The following TENT4A variants were observed in gnomAD, a reference collection of about 807,000 sequenced individuals.
The protein encoded by TENT4A is terminal nucleotidyltransferase 4A, also known as DNA polymerase kappa.
TENT4A carries 7 observed loss-of-function variants against 72.8 expected under a neutral mutation model. The ratio of observed to expected loss-of-function variants is 0.10; its 90% CI spans 0.05 to 0.18. The LOEUF (loss-of-function observed/expected upper bound fraction) is 0.18. Among genes scored for constraint, TENT4A ranks in the 10% least tolerant of loss-of-function variants. TENT4A has a pLI of 1.00. For synonymous variants in TENT4A, 456 were observed against 434.3 expected (o/e 1.05, Z -0.62); for missense variants, 831 against 1,017.7 (o/e 0.82, Z 2.50).
At chr5:6,740,192 A>G (rs1205543334) in intron 4 of TENT4A, among the ~76,000 whole-genome samples, 2 of 152,212 alleles carry the variant, frequency 1.3e-5, no homozygotes, top group African/African-American at 2.4e-5. Context: ...GGTGCTGCCC[A>G]TTATGGAGAG....
chr5:6,724,386 A>G (rs1054069449), intron 1 of TENT4A, among the ~76,000 whole-genome samples: 10 of 152,248 alleles, frequency 6.6e-5, no homozygotes, highest in Middle Eastern at 3.2e-3. Context: ...AATGATGGCC[A>G]AAAATATAGA....
chr5:6,740,160 T>C lies in TENT4A; in HGVS notation c.1008+308T>C, dbSNP rs559881141. On this transcript the variant is annotated intron_variant, in intron 4 of 12. Transcript: ENST00000230859. ...GGATGAATAGGAAAGGAGAGTCATC[T>C]GAAACCGGACACTGACATTCAGGTG... Among the ~76,000 whole-genome samples, 5 of 152,346 alleles carry C rather than the reference T, an allele frequency of 3.3e-5. No homozygotes were observed. In the South Asian group the frequency reaches 1.0e-3, roughly 32 times the overall value.
intron 8 of TENT4A, 89 bp downstream of exon 8, chr5:6,748,679 A>G: frequency 7.4e-7 from 1 of 1,345,272 alleles, no homozygotes; most frequent in Admixed American, 1.8e-5. Context: ...CATGAAATTT[A>G]TGAAGGGATG....
intron 1 of TENT4A, among the ~76,000 whole-genome samples, chr5:6,727,625 C>T (rs1454052060): frequency 1.3e-5 from 2 of 152,182 alleles, no homozygotes; most frequent in Admixed American, 1.3e-4. Context: ...ACTGGCTGCT[C>T]GTTACCTTTC....
intron 1 of TENT4A, among the ~76,000 whole-genome samples, chr5:6,721,600 C>T (rs545064322): frequency 1.4e-4 from 21 of 152,294 alleles, no homozygotes; most frequent in African/African-American, 5.1e-4. Context: ...GTGTCCTGGA[C>T]TCTGGTGGTG....
rs192449069 is a variant in TENT4A at position 6,728,888 on chromosome 5, T to C, written c.717-8622T>C. ...GAAAATACAGAAACTACCTATAATTTTTCCATTGTTAACATTTGAGCATAT... is the reference window on the plus strand; with the variant it reads ...GAAAATACAGAAACTACCTATAATTCTTCCATTGTTAACATTTGAGCATAT... On this transcript the variant is annotated intron_variant, in intron 1 of 12. Coordinates refer to ENST00000230859, the MANE Select transcript of TENT4A (RefSeq NM_006999.6). Among the ~76,000 whole-genome samples, 9 of 152,356 alleles carry C rather than the reference T, an allele frequency of 5.9e-5. No individual in the cohort carries two copies. The South Asian group carries it at 8.3e-4, about 14-fold the overall frequency.
chr5:6,754,060 G>A (rs1561049466), intron 12 of TENT4A, among the ~76,000 whole-genome samples: 2 of 152,216 alleles, frequency 1.3e-5, no homozygotes, highest in African/African-American at 4.8e-5. Flanking sequence ...GCTGCTGCAT[G>A]CTGGGATCGA....
At position 6,755,261 on chromosome 5, in the gene TENT4A, T is replaced by A. The variant is rs986424269; in HGVS notation, c.*316T>A. ...GCGCTTGCGGTTTGAGGTAGCCGTG[T>A]CTGTTCCTTCGCGGTTTGCTATTTT... On this transcript the variant is annotated 3_prime_UTR_variant, in exon 13 of 13. Transcript: ENST00000230859. 1.2e-5 allele frequency: 3 copies of A among 252,594 alleles called. No homozygotes were observed. Among genetic ancestry groups the A allele is most frequent in the African/African-American group, 6.7e-5 (3 of 45,078 alleles). The allele number at this position is 252,594 out of a possible 1,614,324, so 15.6% of individuals were successfully genotyped here. A position where few individuals can be genotyped will look rare whatever the true frequency, so the allele number is the denominator to read the frequency against.
At chr5:6,725,086 CCAAGGAGGG>C (rs1384839234) in intron 1 of TENT4A, among the ~76,000 whole-genome samples, 1 of 152,170 alleles carries the variant, frequency 6.6e-6, no homozygotes, top group Non-Finnish European at 1.5e-5. Flanking sequence ...CTTTGGGAGG[CCAAGGAGGG>C]CGGATCACAA....
chr5:6,718,970 A>G (rs1471810119), intron 1 of TENT4A, among the ~76,000 whole-genome samples: 1 of 140,292 alleles, frequency 7.1e-6, no homozygotes, highest in African/African-American at 2.8e-5. Flanking sequence ...TTTTCGCAGG[A>G]AAAAAAAAAA....
Position 6,752,874 on chromosome 5 carries a change from C to A in TENT4A, c.2021C>A (p.Thr674Asn), listed in dbSNP as rs543673479. The change falls in exon 12 of 13, where the codon ACC becomes AAC. Residue 674 changes from threonine to asparagine, a missense_variant and splice_region_variant. This residue lies in a region of TENT4A where 332 missense variants were observed against 324.3 expected (regional missense o/e 1.02). Coordinates refer to ENST00000230859, the MANE Select transcript of TENT4A (RefSeq NM_006999.6). ...GGCCGTCTCTCATTTTGTTCCTAGACCAGGTTTACTATACCTCCACCGACC... is the reference window on the plus strand; with the variant it reads ...GGCCGTCTCTCATTTTGTTCCTAGAACAGGTTTACTATACCTCCACCGACC... ...RTLIMTTNNQTRFTIPPPTLG... is the reference protein window; with the variant it reads ...RTLIMTTNNQNRFTIPPPTLG... The A allele has an allele frequency of 5.0e-6, 8 of 1,611,566 alleles. No homozygotes were observed. In the African/African-American group the frequency reaches 8.0e-5, roughly 16 times the overall value.
At chr5:6,731,625 G>A (rs1174871162) in intron 1 of TENT4A, among the ~76,000 whole-genome samples, 2 of 150,942 alleles carry the variant, frequency 1.3e-5, no homozygotes, top group Non-Finnish European at 2.9e-5. Context: ...CTGTAGCTTC[G>A]AATCCTGGGC....
chr5:6,735,695 CTG>C (rs1160066632), intron 1 of TENT4A, among the ~76,000 whole-genome samples: 1 of 151,588 alleles, frequency 6.6e-6, no homozygotes, highest in Non-Finnish European at 1.5e-5. Context: ...ATGTTGGGCT[CTG>C]TTAACAGCTG....
chr5:6,738,366 C>T (rs1176382956), intron 2 of TENT4A, among the ~76,000 whole-genome samples: 1 of 152,186 alleles, frequency 6.6e-6, no homozygotes, highest in East Asian at 1.9e-4. Flanking sequence ...GCCCCAGTGC[C>T]TTAGCTGTGG....
intron 12 of TENT4A, among the ~76,000 whole-genome samples, chr5:6,753,804 G>A (rs1301654649): frequency 1.3e-5 from 2 of 152,212 alleles, no homozygotes; most frequent in African/African-American, 2.4e-5. Context: ...TATGATGATT[G>A]TTTTTAGGAG....
rs140270952 is a variant in TENT4A at position 6,720,631 on chromosome 5, G to A, written c.716+5932G>A. Among the ~76,000 whole-genome samples, 657 of 151,778 alleles carry A rather than the reference G, an allele frequency of 4.3e-3. 4 individuals are homozygous for A. Among genetic ancestry groups the A allele is most frequent in the African/African-American group, 0.014 (594 of 41,364 alleles). ...TTGGAGGTTGCAGTGAGCCGAGATC[G>A]CACCACAGCACTCTAGCCTGGTGAC... On this transcript the variant is annotated intron_variant, in intron 1 of 12. Coordinates refer to ENST00000230859, the MANE Select transcript of TENT4A (RefSeq NM_006999.6).
At chr5:6,745,639 G>A (rs1428454391) in intron 6 of TENT4A, among the ~76,000 whole-genome samples, 1 of 152,246 alleles carries the variant, frequency 6.6e-6, no homozygotes, top group Non-Finnish European at 1.5e-5. Context: ...CAAGCCCAGT[G>A]CCTGCTTTTG....
At chr5:6,733,760 A>G (rs2126625405) in intron 1 of TENT4A, among the ~76,000 whole-genome samples, 1 of 152,308 alleles carries the variant, frequency 6.6e-6, no homozygotes, top group Non-Finnish European at 1.5e-5. Context: ...GAAGTCATAG[A>G]TGAGTAAAGG....
At chr5:6,752,490 G>A (rs548943985) in intron 11 of TENT4A, among the ~76,000 whole-genome samples, 3 of 152,376 alleles carry the variant, frequency 2.0e-5, no homozygotes, top group East Asian at 1.9e-4. Flanking sequence ...ACTGCCAGCC[G>A]TCCCACGGCC....
Sources: allele counts gnomAD v4.1 joint callset (sites outside exome capture counted in the v4.1 genomes callset), GRCh38; gene constraint gnomAD v4.1.1; regional missense constraint gnomAD v4.1.1; transcripts MANE v1.5; gene names NCBI Gene and HGNC (gene_info 2026-07-23, HGNC 2026-07-21).